The following PTPRD variants were observed in gnomAD, a reference collection of about 807,000 sequenced individuals.
PTPRD encodes the protein receptor-type tyrosine-protein phosphatase delta.
PTPRD carries 34 observed loss-of-function variants against 214.5 expected under a neutral mutation model. The ratio of observed to expected loss-of-function variants is 0.16; its 90% CI spans 0.12 to 0.21. PTPRD has a LOEUF of 0.21. Among genes scored for constraint, PTPRD ranks in the 10% least tolerant of loss-of-function variants. The pLI, the probability that PTPRD is intolerant of heterozygous loss-of-function variation, is 1.00. For missense variants in PTPRD, 2,545 were observed against 2,398.7 expected, an observed-to-expected ratio of 1.06 and a Z score of -1.27; for synonymous variants, 1,128 against 845.7, an observed-to-expected ratio of 1.33 and a Z score of -5.79.
intron 11 of PTPRD, among the ~76,000 whole-genome samples, chr9:8,755,462 G>A (rs2154470617): frequency 6.7e-6 from 1 of 150,194 alleles, no homozygotes; most frequent in East Asian, 2.0e-4. Flanking sequence ...CTGGCAGGCA[G>A]AGGTTGCAGT....
At chr9:10,248,436 A>C (rs2092411207) in intron 3 of PTPRD, among the ~76,000 whole-genome samples, 1 of 151,538 alleles carries the variant, frequency 6.6e-6, no homozygotes, top group Non-Finnish European at 1.5e-5. Context: ...CTATTCACCA[A>C]AACAAGAAAT....
At chr9:9,356,469 A>G (rs796926334) in intron 9 of PTPRD, among the ~76,000 whole-genome samples, 8 of 151,538 alleles carry the variant, frequency 5.3e-5, no homozygotes, top group African/African-American at 1.9e-4. Flanking sequence ...CACATTTAAA[A>G]TCATCAGAGC....
chr9:8,631,545 C>T (rs2096252047), intron 14 of PTPRD, among the ~76,000 whole-genome samples: 1 of 151,800 alleles, frequency 6.6e-6, no homozygotes, highest in Admixed American at 6.6e-5. Flanking sequence ...CTGTTGCACA[C>T]TCTATGGGAC....
At chr9:9,610,107 C>T (rs2094438849) in intron 7 of PTPRD, among the ~76,000 whole-genome samples, 2 of 152,010 alleles carry the variant, frequency 1.3e-5, no homozygotes, top group Non-Finnish European at 2.9e-5. Context: ...AAAGATGTGC[C>T]AAGCTCTGAC....
chr9:9,651,992 G>A (rs1339438051), intron 7 of PTPRD, among the ~76,000 whole-genome samples: 2 of 151,328 alleles, frequency 1.3e-5, no homozygotes, highest in African/African-American at 4.9e-5. Context: ...CTGCCACCAG[G>A]CCTGGCTAAT....
intron 7 of PTPRD, among the ~76,000 whole-genome samples, chr9:9,666,128 C>T (rs1222599709): frequency 6.6e-6 from 1 of 151,758 alleles, no homozygotes; most frequent in Non-Finnish European, 1.5e-5. Flanking sequence ...TCTACCTAGG[C>T]CTTAATACAG....
chr9:9,548,307 TA>T (rs1179244530), intron 8 of PTPRD, among the ~76,000 whole-genome samples: 1 of 151,500 alleles, frequency 6.6e-6, no homozygotes, highest in Non-Finnish European at 1.5e-5. Flanking sequence ...GAAAAGAGAC[TA>T]AAAATGTAAG....
intron 2 of PTPRD, among the ~76,000 whole-genome samples, chr9:10,425,858 T>G (rs1005813442): frequency 6.6e-6 from 1 of 152,000 alleles, no homozygotes; most frequent in Admixed American, 6.6e-5. Flanking sequence ...CATGTGATTA[T>G]ATTCATAAGT....
intron 7 of PTPRD, among the ~76,000 whole-genome samples, chr9:9,670,718 G>A (rs769759951): frequency 7.2e-5 from 11 of 152,208 alleles, no homozygotes; most frequent in Non-Finnish European, 1.5e-4. Context: ...GGCTTCAGAG[G>A]TTGCAGGCCT....
intron 10 of PTPRD, among the ~76,000 whole-genome samples, chr9:9,082,108 T>G (rs2154422709): frequency 6.6e-6 from 1 of 152,148 alleles, no homozygotes; most frequent in South Asian, 2.1e-4. Context: ...CTAACTCATT[T>G]TATGAGGCCA....
chr9:10,417,273 G>A (rs1254885215), intron 2 of PTPRD, among the ~76,000 whole-genome samples: 2 of 151,804 alleles, frequency 1.3e-5, no homozygotes, highest in Admixed American at 1.3e-4. Context: ...TCTAATAATC[G>A]ACCTGTGTAC....
intron 4 of PTPRD, among the ~76,000 whole-genome samples, chr9:9,963,577 G>C (rs1247168940): frequency 6.6e-6 from 1 of 152,152 alleles, no homozygotes; most frequent in African/African-American, 2.4e-5. Flanking sequence ...CAAGTATAGA[G>C]TTTATTGTCA....
At chr9:9,713,833 G>T (rs1393349271) in intron 7 of PTPRD, among the ~76,000 whole-genome samples, 1 of 152,010 alleles carries the variant, frequency 6.6e-6, no homozygotes, top group African/African-American at 2.4e-5. Context: ...ACAATTCAGG[G>T]CTTTGGAGAG....
At chr9:9,624,264 T>C (rs1168660338) in intron 7 of PTPRD, among the ~76,000 whole-genome samples, 1 of 135,988 alleles carries the variant, frequency 7.4e-6, no homozygotes. Context: ...TGTATTTCAG[T>C]AGCTAGTTTT....
At chr9:8,862,990 G>A (rs372656161) in intron 11 of PTPRD, among the ~76,000 whole-genome samples, 12 of 152,088 alleles carry the variant, frequency 7.9e-5, no homozygotes, top group Admixed American at 2.6e-4. Context: ...TGGGTGCAGC[G>A]CACCAGCATG....
intron 2 of PTPRD, among the ~76,000 whole-genome samples, chr9:10,400,502 T>C (rs2098252084): frequency 6.6e-6 from 1 of 151,772 alleles, no homozygotes; most frequent in South Asian, 2.1e-4. Context: ...TAATGTTACT[T>C]TAAAATGCAT....
At chr9:8,364,013 T>G (rs763220978) in intron 39 of PTPRD, among the ~76,000 whole-genome samples, 1 of 152,246 alleles carries the variant, frequency 6.6e-6, no homozygotes, top group Non-Finnish European at 1.5e-5. Flanking sequence ...GCAAAGGGTT[T>G]GAAAATACTT....
intron 3 of PTPRD, among the ~76,000 whole-genome samples, chr9:10,172,324 C>T (rs1050600308): frequency 1.3e-5 from 2 of 152,106 alleles, no homozygotes; most frequent in African/African-American, 2.4e-5. Flanking sequence ...AATATCACCA[C>T]CCCATATGCA....
At chr9:9,801,871 G>C (rs556597237) in intron 5 of PTPRD, among the ~76,000 whole-genome samples, 1 of 151,942 alleles carries the variant, frequency 6.6e-6, no homozygotes, top group Admixed American at 6.6e-5. Flanking sequence ...ATACATGTTG[G>C]CACAAAACTC....
Sources: gnomAD v4.1 joint callset for allele counts (sites outside exome capture counted in the v4.1 genomes callset) on GRCh38, gnomAD v4.1.1 for gene constraint, MANE v1.5 for transcripts, NCBI Gene and HGNC (gene_info 2026-07-23, HGNC 2026-07-21) for gene names.